The following SLIT3 variants were observed in gnomAD, a reference collection of about 807,000 sequenced individuals.
SLIT3 encodes the protein slit guidance ligand 3.
In SLIT3, 68 loss-of-function variants were observed where a neutral mutation model predicts 184.0. That is an observed-to-expected ratio of 0.37 (90% confidence interval 0.30 to 0.45). SLIT3 has a LOEUF of 0.45. SLIT3 is among the 20% of genes least tolerant of loss of function. The probability of loss-of-function intolerance (pLI) is 1.00; values close to 1 mark genes in which losing one functional copy is unlikely to be tolerated. For synonymous variants in SLIT3, 831 were observed against 828.6 expected, an observed-to-expected ratio of 1.00 and a Z score of -0.05; for missense variants, 1,707 against 2,026.0, an observed-to-expected ratio of 0.84 and a Z score of 3.02.
At chr5:168,934,119 A>G (rs1454872204) in intron 4 of SLIT3, among the ~76,000 whole-genome samples, 1 of 152,200 alleles carries the variant, frequency 6.6e-6, no homozygotes, top group Non-Finnish European at 1.5e-5. Flanking sequence ...CCGGAAGCCC[A>G]CCAGGATTTC....
chr5:169,115,221 G>A (rs1315179055), intron 4 of SLIT3, among the ~76,000 whole-genome samples: 1 of 152,152 alleles, frequency 6.6e-6, no homozygotes, highest in Non-Finnish European at 1.5e-5. Context: ...GGAGGCATAT[G>A]AGCAGAATTT....
chr5:168,897,647 T>TGCGCACACACACACACACACACACACAC, intron 4 of SLIT3, among the ~76,000 whole-genome samples: 1 of 141,414 alleles, frequency 7.1e-6, no homozygotes, highest in Middle Eastern at 3.3e-3. Flanking sequence ...CAGGTGCACG[T>TGCGCACACACACACACACACACACACAC]ACACACACAC....
chr5:169,138,505 A>G (rs1240496051), intron 4 of SLIT3, among the ~76,000 whole-genome samples: 1 of 151,798 alleles, frequency 6.6e-6, no homozygotes, highest in African/African-American at 2.4e-5. Context: ...AATCCCTTGC[A>G]CAAGAATCCC....
intron 4 of SLIT3, among the ~76,000 whole-genome samples, chr5:169,151,323 G>A (rs950500326): frequency 2.0e-5 from 3 of 152,106 alleles, no homozygotes; most frequent in Non-Finnish European, 4.4e-5. Context: ...CCCTTTTATA[G>A]GGATCAAACC....
intron 14 of SLIT3, 111 bp from the exon 15 acceptor site, chr5:168,762,800 TA>T: frequency 9.3e-7 from 1 of 1,073,670 alleles, no homozygotes; most frequent in Non-Finnish European, 1.4e-6. Flanking sequence ...TGGGGGCTGT[TA>T]GGGGTCAAGT....
At chr5:169,172,130 A>T (rs1302066684) in intron 4 of SLIT3, among the ~76,000 whole-genome samples, 1 of 152,214 alleles carries the variant, frequency 6.6e-6, no homozygotes, top group Non-Finnish European at 1.5e-5. Context: ...GGGTGCTACA[A>T]AAGGACTAAT....
chr5:168,916,757 T>C (rs1761449305), intron 4 of SLIT3, among the ~76,000 whole-genome samples: 1 of 152,234 alleles, frequency 6.6e-6, no homozygotes, highest in Non-Finnish European at 1.5e-5. Flanking sequence ...CAAAAAGGAT[T>C]GCCAATTTAA....
At chr5:168,832,456 G>A (rs796865850) in intron 6 of SLIT3, among the ~76,000 whole-genome samples, 6 of 152,328 alleles carry the variant, frequency 3.9e-5, no homozygotes, top group African/African-American at 1.4e-4. Flanking sequence ...TTGGCACATA[G>A]GAAGCCTCAC....
intron 9 of SLIT3, among the ~76,000 whole-genome samples, chr5:168,799,868 A>G (rs151106475): frequency 2.3e-3 from 344 of 152,264 alleles, no homozygotes; most frequent in African/African-American, 7.8e-3. Flanking sequence ...GAAGAGGTCA[A>G]TTTTCCTAAG....
chr5:168,895,334 G>A (rs534918487), intron 4 of SLIT3, among the ~76,000 whole-genome samples: 125 of 152,204 alleles, frequency 8.2e-4, no homozygotes, highest in African/African-American at 2.8e-3. Flanking sequence ...CCTGGGCTGC[G>A]GCTGCCCAGA....
intron 4 of SLIT3, among the ~76,000 whole-genome samples, chr5:168,904,051 C>G (rs1347680539): frequency 1.3e-5 from 2 of 152,222 alleles, no homozygotes; most frequent in South Asian, 2.1e-4. Flanking sequence ...GAGGTAAATA[C>G]CTTGTGTGAG....
Position 169,193,510 on chromosome 5 carries a change from GC to G in SLIT3, c.381del (p.Leu127PhefsTer12). 6.2e-7 allele frequency: 1 copy of G among 1,614,106 alleles called. No homozygotes were observed. The highest frequency in any genetic ancestry group is 8.5e-7 in the Non-Finnish European group (1 of 1,179,980). ...GTGAGCTTCGGCGTGCTCTGGAAAA[GC>G]AATTCTGGAAGGACTTGCAGCTTAT... is the stretch of plus-strand genomic sequence containing the variant. ...NKNKLQVLPE[L>X]LFQSTPKLTR... On this transcript the variant is annotated frameshift_variant, in exon 4 of 36. Transcript: ENST00000519560. LOFTEE classifies it high-confidence loss of function.
chr5:169,035,882 G>C (rs908668650), intron 4 of SLIT3, among the ~76,000 whole-genome samples: 6 of 152,058 alleles, frequency 3.9e-5, no homozygotes, highest in African/African-American at 1.4e-4. Flanking sequence ...TAATATCGTA[G>C]AGTCTTGAAT....
At chr5:169,134,047 T>C (rs985430830) in intron 4 of SLIT3, among the ~76,000 whole-genome samples, 1 of 152,240 alleles carries the variant, frequency 6.6e-6, no homozygotes, top group East Asian at 1.9e-4. Flanking sequence ...ATGCAGGTTT[T>C]CTAAATGTGC....
At chr5:168,899,997 A>T (rs997633009) in intron 4 of SLIT3, among the ~76,000 whole-genome samples, 1 of 152,234 alleles carries the variant, frequency 6.6e-6, no homozygotes, top group African/African-American at 2.4e-5. Flanking sequence ...TTCTCTGTGA[A>T]TAGACATTTT....
chr5:169,251,177 C>A (rs10061676), intron 2 of SLIT3, among the ~76,000 whole-genome samples: 2 of 152,216 alleles, frequency 1.3e-5, no homozygotes, highest in African/African-American at 4.8e-5. Context: ...GAACTAAGTT[C>A]TTCCATCGAT....
intron 4 of SLIT3, among the ~76,000 whole-genome samples, chr5:169,162,109 G>A (rs1172429306): frequency 2.0e-5 from 3 of 152,190 alleles, no homozygotes; most frequent in Non-Finnish European, 4.4e-5. Flanking sequence ...GGGTGCTACT[G>A]GATCCTTGAG....
chr5:168,876,030 C>G lies in SLIT3; in HGVS notation c.485+7235G>C, dbSNP rs186933308. Among the ~76,000 whole-genome samples the G allele has an allele frequency of 5.3e-5, 8 of 152,154 alleles. No individual in the cohort carries two copies. The East Asian group carries it at 1.5e-3, about 29-fold the overall frequency. On this transcript the variant is annotated intron_variant, in intron 5 of 35. Transcript: ENST00000519560. ...CTCGGATGAGCAGATTTTCCTAAAT[C>G]CCCCTTCAAGATGCAGCACCCCATT...
At chr5:168,987,607 T>A (rs1755178228) in intron 4 of SLIT3, among the ~76,000 whole-genome samples, 1 of 152,224 alleles carries the variant, frequency 6.6e-6, no homozygotes, top group South Asian at 2.1e-4. Flanking sequence ...ACAGTAAAGC[T>A]CTACCCTTGG....
Sources: allele counts gnomAD v4.1 joint callset (sites outside exome capture counted in the v4.1 genomes callset), GRCh38; gene constraint gnomAD v4.1.1; transcripts MANE v1.5; gene names NCBI Gene and HGNC (gene_info 2026-07-23, HGNC 2026-07-21).